Variants in FAT3 observed in about 807,000 individuals in gnomAD.
FAT3 encodes FAT atypical cadherin 3, also known as protocadherin Fat 3.
FAT3 carries 95 observed loss-of-function variants against 310.2 expected under a neutral mutation model. The observed-to-expected ratio is 0.31, with a 90% CI of 0.26 to 0.36. The LOEUF is 0.36. FAT3 is among the 10% of genes least tolerant of loss of function. FAT3 has a pLI of 1.00. For missense variants in FAT3, 5,408 were observed against 5,715.6 expected (o/e 0.95, Z 1.74); for synonymous variants, 2,314 against 2,192.9 (o/e 1.06, Z -1.54).
At chr11:92,555,779 A>G (rs1254634612) in intron 3 of FAT3, among the ~76,000 whole-genome samples, 1 of 152,232 alleles carries the variant, frequency 6.6e-6, no homozygotes, top group African/African-American at 2.4e-5. Flanking sequence ...GCTTTTATGC[A>G]GTTCTGTGTT....
chr11:92,626,170 A>G (rs1438870100), intron 3 of FAT3, among the ~76,000 whole-genome samples: 1 of 152,176 alleles, frequency 6.6e-6, no homozygotes, highest in African/African-American at 2.4e-5. Context: ...GAGTGAATTT[A>G]TCTAAGGTTG....
chr11:92,468,014 G>A (rs1211075231), intron 2 of FAT3, among the ~76,000 whole-genome samples: 2 of 152,196 alleles, frequency 1.3e-5, no homozygotes, highest in South Asian at 2.1e-4. Flanking sequence ...TCTCTGTAGA[G>A]CCTAGGGCAG....
Position 92,354,620 on chromosome 11 carries a change from C to T in FAT3, c.2508C>T (p.Tyr836=). 6.2e-7 allele frequency: 1 copy of T among 1,613,806 alleles called. No homozygotes were observed. Among genetic ancestry groups the T allele is most frequent in the South Asian group, 1.1e-5 (1 of 91,090 alleles). ...GCCCAGTTTTTATTCAAGACAGTTA[C>T]TCAGTTAACATTCTTGAAAGTTCAG... ...DNSPVFIQDS[Y]SVNILESSGI... Residue 836 remains tyrosine, a synonymous_variant, in exon 2 of 28, where the codon TAC becomes TAT. Transcript: ENST00000525166.
At chr11:92,521,542 C>T (rs1278603267) in intron 2 of FAT3, among the ~76,000 whole-genome samples, 1 of 152,044 alleles carries the variant, frequency 6.6e-6, no homozygotes. Context: ...TTTTGCCAAA[C>T]TTTTGGTGTA....
chr11:92,265,548 G>T (rs996745418), intron 1 of FAT3, among the ~76,000 whole-genome samples: 1 of 151,926 alleles, frequency 6.6e-6, no homozygotes, highest in Admixed American at 6.6e-5. Context: ...GAATCTGGGG[G>T]ATTACTAAGG....
chr11:92,510,721 A>G (rs1953263104), intron 2 of FAT3, among the ~76,000 whole-genome samples: 1 of 152,040 alleles, frequency 6.6e-6, no homozygotes, highest in African/African-American at 2.4e-5. Flanking sequence ...ATTTTCATTA[A>G]CTCCAAATAA....
intron 19 of FAT3, among the ~76,000 whole-genome samples, chr11:92,853,528 T>C (rs556752090): frequency 6.6e-6 from 1 of 152,270 alleles, no homozygotes; most frequent in Non-Finnish European, 1.5e-5. Context: ...AGTCCCACCA[T>C]TCGTCAGGTC....
intron 3 of FAT3, among the ~76,000 whole-genome samples, chr11:92,531,740 G>A (rs943109822): frequency 1.3e-5 from 2 of 151,974 alleles, no homozygotes; most frequent in East Asian, 1.9e-4. Flanking sequence ...GTGTGGACTC[G>A]CTCTGCCTTC....
chr11:92,302,027 A>G (rs1434288688), intron 1 of FAT3, among the ~76,000 whole-genome samples: 1 of 152,098 alleles, frequency 6.6e-6, no homozygotes, highest in African/African-American at 2.4e-5. Context: ...ATGTGTATGC[A>G]TACATGCATG....
At chr11:92,486,040 CA>C (rs1952373214) in intron 2 of FAT3, among the ~76,000 whole-genome samples, 1 of 146,814 alleles carries the variant, frequency 6.8e-6, no homozygotes, top group Admixed American at 6.9e-5. Flanking sequence ...TGGCACTGTA[CA>C]CTATAGGTAG....
chr11:92,574,541 ACT>A (rs762248661), intron 3 of FAT3, among the ~76,000 whole-genome samples: 6 of 152,032 alleles, frequency 3.9e-5, no homozygotes, highest in Non-Finnish European at 8.8e-5. Context: ...TGGGAAATGT[ACT>A]CACCAGTCCC....
At chr11:92,510,772 T>A (rs1369878680) in intron 2 of FAT3, among the ~76,000 whole-genome samples, 1 of 152,196 alleles carries the variant, frequency 6.6e-6, no homozygotes, top group African/African-American at 2.4e-5. Context: ...TTAATCTTCC[T>A]TGCAGCTCTC....
In FAT3 at chr11:92,891,030, A is replaced by G. The variant is rs2136450055; in HGVS notation, c.13687A>G (p.Ser4563Gly). ...CTTTGACGATTCCGAAGTAGCCATG[A>G]GTGACTACGAGAGCGTGGGAGAGCT... Reference protein sequence around the residue: ...CGFDDSEVAMSDYESVGELSL... With the variant: ...CGFDDSEVAMGDYESVGELSL... The change falls in exon 28 of 28, where the codon AGT (serine) becomes GGT (glycine). Residue 4563 changes from serine to glycine, a missense_variant. Coordinates refer to ENST00000525166, the MANE Select transcript of FAT3 (RefSeq NM_001367949.2). The G allele has an allele frequency of 6.2e-7, 1 of 1,613,890 alleles. No homozygotes were observed. The highest frequency in any genetic ancestry group is 8.5e-7 in the Non-Finnish European group (1 of 1,179,864).
At chr11:92,420,282 A>T (rs1241538013) in intron 2 of FAT3, among the ~76,000 whole-genome samples, 2 of 152,232 alleles carry the variant, frequency 1.3e-5, no homozygotes, top group African/African-American at 4.8e-5. Context: ...GATGATAATT[A>T]TAAATCATAA....
At chr11:92,572,249 A>G (rs1172281971) in intron 3 of FAT3, among the ~76,000 whole-genome samples, 1 of 152,170 alleles carries the variant, frequency 6.6e-6, no homozygotes, top group Admixed American at 6.5e-5. Context: ...CAAGATATGT[A>G]CTATTTACTT....
At position 92,801,551 on chromosome 11, in the gene FAT3, T is replaced by C. The variant is rs1170508943; in HGVS notation, c.8538T>C (p.Asn2846=). ...CTATTGATATGGACTGGGGAGCCAA[T>C]GGACAAGTCACTTACTCCCTCCACT... ...VRAIDMDWGA[N]GQVTYSLHSD... Residue 2846 remains asparagine (N), a synonymous_variant, in exon 10 of 28, where the codon AAT becomes AAC. Coordinates refer to ENST00000525166, the MANE Select transcript of FAT3 (RefSeq NM_001367949.2). 2 of 1,608,072 alleles carry C rather than the reference T, an allele frequency of 1.2e-6. No homozygotes were observed. The highest frequency in any genetic ancestry group is 1.7e-6 in the Non-Finnish European group (2 of 1,177,062).
rs1453553666 is a variant in FAT3 at position 92,561,985 on chromosome 11, AT to A, written c.3607+37040del. Among the ~76,000 whole-genome samples the A allele has an allele frequency of 2.0e-5, 3 of 152,212 alleles. No homozygotes were observed. In the East Asian group the frequency reaches 5.8e-4, roughly 29 times the overall value. ...CGTCTCCTGCTCATGAAGTAGGAGTATTTGTGTCTACATTTATTCATTAAAG... is the reference window on the plus strand; with the variant it reads ...CGTCTCCTGCTCATGAAGTAGGAGTATTGTGTCTACATTTATTCATTAAAG... On this transcript the variant is annotated intron_variant, in intron 3 of 27. Transcript: ENST00000525166.
At chr11:92,683,733 G>A (rs1358186473) in intron 3 of FAT3, among the ~76,000 whole-genome samples, 2 of 152,106 alleles carry the variant, frequency 1.3e-5, no homozygotes, top group African/African-American at 4.8e-5. Context: ...GCCCAAAATG[G>A]CCTATGAGAC....
intron 2 of FAT3, among the ~76,000 whole-genome samples, chr11:92,435,796 A>G (rs1198301342): frequency 6.6e-6 from 1 of 151,756 alleles, no homozygotes; most frequent in African/African-American, 2.4e-5. Flanking sequence ...TGAACTCCCA[A>G]CCTCAGGTGA....
Sources: gnomAD v4.1 joint callset for allele counts (sites outside exome capture counted in the v4.1 genomes callset) on GRCh38, gnomAD v4.1.1 for gene constraint, MANE v1.5 for transcripts, NCBI Gene and HGNC (gene_info 2026-07-23, HGNC 2026-07-21) for gene names.